CSMD1: variants seen among roughly 807,000 people sequenced by gnomAD.
CSMD1 encodes the protein CUB and Sushi multiple domains 1, also known as CUB and sushi domain-containing protein 1.
CSMD1 carries 213 observed loss-of-function variants against 417.5 expected under a neutral mutation model. That is an observed-to-expected ratio of 0.51 (90% CI 0.46 to 0.57). The LOEUF (loss-of-function observed/expected upper bound fraction) is 0.57. Ranked by LOEUF, CSMD1 falls within the 20% of genes least tolerant of loss-of-function variation. CSMD1 has a pLI of 0.00. For missense variants in CSMD1, 6,923 were observed against 4,529.7 expected, an observed-to-expected ratio of 1.53 and a Z score of -15.17; for synonymous variants, 2,862 against 1,736.8, an observed-to-expected ratio of 1.65 and a Z score of -16.11.
intron 5 of CSMD1, among the ~76,000 whole-genome samples, chr8:3,770,588 G>T (rs919965628): frequency 6.6e-6 from 1 of 152,054 alleles, no homozygotes; most frequent in African/African-American, 2.4e-5. Flanking sequence ...GAGGCCTGTC[G>T]CACATGCAGA....
chr8:2,976,513 T>C (rs750419953), intron 55 of CSMD1, among the ~76,000 whole-genome samples: 1 of 152,024 alleles, frequency 6.6e-6, no homozygotes, highest in Non-Finnish European at 1.5e-5. Flanking sequence ...GCCCCACTAG[T>C]TTTTATTTTA....
At chr8:3,622,086 A>C (rs577497898) in intron 7 of CSMD1, among the ~76,000 whole-genome samples, 46 of 152,114 alleles carry the variant, frequency 3.0e-4, no homozygotes, top group African/African-American at 1.1e-3. Flanking sequence ...ATGTTTTCAC[A>C]GTCTGCACTA....
intron 11 of CSMD1, among the ~76,000 whole-genome samples, chr8:3,493,034 T>A (rs541380434): frequency 3.2e-4 from 48 of 152,076 alleles, no homozygotes; most frequent in African/African-American, 1.1e-3. Context: ...GGTTCACACC[T>A]GTAATCCCCA....
intron 7 of CSMD1, among the ~76,000 whole-genome samples, chr8:3,692,473 C>A (rs898981042): frequency 6.6e-6 from 1 of 151,030 alleles, no homozygotes; most frequent in Admixed American, 6.6e-5. Context: ...ACGGAGTCTC[C>A]CTCTGTCACC....
chr8:3,842,045 G>C (rs927498521), intron 5 of CSMD1, among the ~76,000 whole-genome samples: 1 of 152,132 alleles, frequency 6.6e-6, no homozygotes, highest in Admixed American at 6.5e-5. Context: ...GCATACCCTT[G>C]TTCTTAATTC....
chr8:3,113,586 G>A (rs1481150847), intron 42 of CSMD1, among the ~76,000 whole-genome samples: 1 of 152,210 alleles, frequency 6.6e-6, no homozygotes, highest in Non-Finnish European at 1.5e-5. Flanking sequence ...AGGTACCCTG[G>A]CGCCACTGGC....
intron 7 of CSMD1, among the ~76,000 whole-genome samples, chr8:3,620,356 C>T (rs1802363638): frequency 6.6e-6 from 1 of 151,548 alleles, no homozygotes; most frequent in African/African-American, 2.4e-5. Flanking sequence ...GTCCCTAGTA[C>T]AGGTAAATAC....
intron 5 of CSMD1, among the ~76,000 whole-genome samples, chr8:3,893,362 T>TATATATATATATATATA (rs1554476819): frequency 8.0e-4 from 100 of 125,442 alleles, no homozygotes; most frequent in East Asian, 1.8e-3. Flanking sequence ...TATATATATA[T>TATATATATATATATATA]TATTTTTTTT....
At chr8:4,922,206 G>A (rs35298736) in intron 1 of CSMD1, among the ~76,000 whole-genome samples, 50,276 of 151,844 alleles carry the variant, frequency 0.33, 9,807 homozygotes, top group Non-Finnish European at 0.45. Context: ...GTGCGTGCAT[G>A]TCTGTCTGTG....
intron 3 of CSMD1, among the ~76,000 whole-genome samples, chr8:4,125,716 A>G (rs1802725021): frequency 6.6e-6 from 1 of 152,170 alleles, no homozygotes; most frequent in Non-Finnish European, 1.5e-5. Flanking sequence ...AAATTTGCGA[A>G]GGAATTCAGT....
At chr8:4,548,561 A>C (rs778169929) in intron 2 of CSMD1, among the ~76,000 whole-genome samples, 1 of 152,202 alleles carries the variant, frequency 6.6e-6, no homozygotes, top group African/African-American at 2.4e-5. Context: ...TTCAATGCAC[A>C]AGCTTTTCTT....
rs559667181 is a variant in CSMD1 at position 2,987,569 on chromosome 8, T to G, written c.8378-8769A>C. Among the ~76,000 whole-genome samples, 9 of 152,270 alleles carry G rather than the reference T, an allele frequency of 5.9e-5. No individual in the cohort carries two copies. In the South Asian group the frequency reaches 1.9e-3, roughly 32 times the overall value. On this transcript the variant is annotated intron_variant, in intron 54 of 69. Coordinates refer to ENST00000635120, the MANE Select transcript of CSMD1 (RefSeq NM_033225.6). ...AAGATGATTGATACAGTACTTCTCT[T>G]CGGATATAACTCACAATTTTTGCTG...
intron 1 of CSMD1, among the ~76,000 whole-genome samples, chr8:4,747,391 C>A (rs71523644): frequency 0.082 from 12,443 of 152,140 alleles, 600 homozygotes; most frequent in Non-Finnish European, 0.11. Flanking sequence ...AGACACACAA[C>A]TAACAAGATT....
At chr8:3,429,300 G>A (rs1019806579) in intron 12 of CSMD1, among the ~76,000 whole-genome samples, 6 of 152,126 alleles carry the variant, frequency 3.9e-5, no homozygotes, top group Admixed American at 2.0e-4. Context: ...AAACAGAAAT[G>A]ATAATAAAAT....
chr8:3,567,292 G>A (rs1799754229), intron 10 of CSMD1, among the ~76,000 whole-genome samples: 1 of 152,058 alleles, frequency 6.6e-6, no homozygotes, highest in Non-Finnish European at 1.5e-5. Context: ...GGAGGAGGCA[G>A]AGGATCAGAA....
intron 49 of CSMD1, among the ~76,000 whole-genome samples, chr8:3,079,865 G>C (rs1223868316): frequency 6.6e-6 from 1 of 152,008 alleles, no homozygotes; most frequent in African/African-American, 2.4e-5. Flanking sequence ...CGATTGAAGA[G>C]ATACACACAG....
At chr8:4,301,462 G>A (rs10099732) in intron 3 of CSMD1, among the ~76,000 whole-genome samples, 151,530 of 152,298 alleles carry the variant, frequency 0.99, 75,385 homozygotes, top group Middle Eastern at 1. Flanking sequence ...AGAGACCAGA[G>A]TGGTCCAGGA....
chr8:4,228,305 T>G (rs912469844), intron 3 of CSMD1, among the ~76,000 whole-genome samples: 2 of 152,208 alleles, frequency 1.3e-5, no homozygotes, highest in African/African-American at 4.8e-5. Flanking sequence ...GTAAAACTCT[T>G]TGAAATAGGT....
intron 3 of CSMD1, among the ~76,000 whole-genome samples, chr8:4,190,125 G>A (rs964332568): frequency 2.0e-5 from 3 of 151,812 alleles, no homozygotes; most frequent in Admixed American, 1.3e-4. Flanking sequence ...CGGGCGTGGT[G>A]GCAGGTGCCT....
Sources: gnomAD v4.1 joint callset for allele counts (sites outside exome capture counted in the v4.1 genomes callset) on GRCh38, gnomAD v4.1.1 for gene constraint, MANE v1.5 for transcripts, NCBI Gene and HGNC (gene_info 2026-07-23, HGNC 2026-07-21) for gene names.